The following LINGO2 variants were observed in gnomAD, a reference collection of about 807,000 sequenced individuals.
The protein encoded by LINGO2 is leucine rich repeat and Ig domain containing 2.
Under a neutral mutation model 30.6 loss-of-function variants are expected in LINGO2, and 14 were observed. The ratio of observed to expected loss-of-function variants is 0.46; its 90% confidence interval spans 0.30 to 0.72. The LOEUF (loss-of-function observed/expected upper bound fraction) is 0.72, where lower values mean the gene tolerates loss of function less well. Among genes scored for constraint, LINGO2 ranks in the 30% least tolerant of loss-of-function variants. LINGO2 has a pLI of 0.07. For synonymous variants in LINGO2, 317 were observed against 288.5 expected, an observed-to-expected ratio of 1.10 and a Z score of -1.00; for missense variants, 729 against 751.7, an observed-to-expected ratio of 0.97 and a Z score of 0.35.
At chr9:28,560,726 G>C (rs943875642) in intron 1 of LINGO2, among the ~76,000 whole-genome samples, 2 of 151,598 alleles carry the variant, frequency 1.3e-5, no homozygotes, top group African/African-American at 4.8e-5. Flanking sequence ...GAGTGCATTG[G>C]TGCAATCTTG....
the LINGO2 span, among the ~76,000 whole-genome samples, chr9:28,840,113 C>T: frequency 6.6e-6 from 1 of 151,956 alleles, no homozygotes; most frequent in African/African-American, 2.4e-5. Flanking sequence ...GGAGCAGGAA[C>T]CTCTGAGCTT....
At chr9:29,059,673 T>C in the LINGO2 span, among the ~76,000 whole-genome samples, 1 of 151,902 alleles carries the variant, frequency 6.6e-6, no homozygotes, top group East Asian at 1.9e-4. Context: ...TATGGAAAAT[T>C]AAAGATGCGT....
At chr9:29,017,882 C>G in the LINGO2 span, among the ~76,000 whole-genome samples, 1 of 151,930 alleles carries the variant, frequency 6.6e-6, no homozygotes, top group Non-Finnish European at 1.5e-5. Flanking sequence ...GACCCCAGAA[C>G]AGCTCAGCGT....
At chr9:28,856,619 T>C in the LINGO2 span, among the ~76,000 whole-genome samples, 1 of 151,970 alleles carries the variant, frequency 6.6e-6, no homozygotes, top group Non-Finnish European at 1.5e-5. Flanking sequence ...GGATAATGAA[T>C]GGAAAGTAAA....
intron 4 of LINGO2, among the ~76,000 whole-genome samples, chr9:28,231,020 A>G (rs900744531): frequency 2.0e-5 from 3 of 151,988 alleles, no homozygotes; most frequent in Admixed American, 6.6e-5. Context: ...TATTCAGCAC[A>G]CATTTCATGA....
intron 5 of LINGO2, among the ~76,000 whole-genome samples, chr9:28,009,527 A>G (rs1267385904): frequency 1.3e-5 from 2 of 152,180 alleles, no homozygotes; most frequent in African/African-American, 4.8e-5. Context: ...ACTCAATAAA[A>G]TAACCCAATT....
chr9:27,964,345 A>G (rs1819994749), intron 5 of LINGO2, among the ~76,000 whole-genome samples: 1 of 152,138 alleles, frequency 6.6e-6, no homozygotes, highest in African/African-American at 2.4e-5. Context: ...ATACCTTTCA[A>G]TTAGCTATAT....
At chr9:29,004,974 A>C in the LINGO2 span, among the ~76,000 whole-genome samples, 1 of 152,110 alleles carries the variant, frequency 6.6e-6, no homozygotes, top group Non-Finnish European at 1.5e-5. Context: ...TAAATGAGTT[A>C]ATATAGCTAT....
the LINGO2 span, among the ~76,000 whole-genome samples, chr9:29,074,678 C>CTTTTTTTTTTTTTTTTTTTTTTTTT: frequency 1.1e-5 from 1 of 88,006 alleles, no homozygotes; most frequent in Non-Finnish European, 2.0e-5. Flanking sequence ...AAATTACTTA[C>CTTTTTTTTTTTTTTTTTTTTTTTTT]TTTTTTTTTT....
At chr9:28,897,407 A>C in the LINGO2 span, among the ~76,000 whole-genome samples, 5 of 152,130 alleles carry the variant, frequency 3.3e-5, no homozygotes, top group Admixed American at 3.3e-4. Context: ...TCTTGCTGGT[A>C]CCATATGATG....
At chr9:28,906,919 A>G in the LINGO2 span, among the ~76,000 whole-genome samples, 114,413 of 151,764 alleles carry the variant, frequency 0.75, 43,322 homozygotes, top group Non-Finnish European at 0.8. Context: ...AAGTTCTGTC[A>G]TATTTGTTTT....
At chr9:28,443,937 T>A (rs1175821436) in intron 2 of LINGO2, among the ~76,000 whole-genome samples, 2 of 151,968 alleles carry the variant, frequency 1.3e-5, no homozygotes, top group East Asian at 3.9e-4. Flanking sequence ...AGTGAGAACT[T>A]ATGGTGCTTT....
intron 3 of LINGO2, among the ~76,000 whole-genome samples, chr9:28,339,703 A>G (rs770351866): frequency 2.0e-5 from 3 of 152,198 alleles, no homozygotes; most frequent in African/African-American, 7.2e-5. Flanking sequence ...TTTAATTATC[A>G]TAATGAAATC....
In LINGO2 at chr9:28,323,337, C is replaced by T. The variant is rs559447480; in HGVS notation, c.-245-27971G>A. ...GAAACAACCTGGGTGCGGTGGCTCA[C>T]GCCTGTAATCCCAACACTTTGAGAG... On this transcript the variant is annotated intron_variant, in intron 3 of 5. Coordinates refer to ENST00000379992, the Ensembl canonical transcript of LINGO2. 3.2e-3 allele frequency among the ~76,000 whole-genome samples: 482 copies of T among 152,254 alleles called. 2 individuals are homozygous for T. Among genetic ancestry groups the T allele is most frequent in the Middle Eastern group, 6.8e-3 (2 of 292 alleles).
chr9:28,939,854 T>C, the LINGO2 span, among the ~76,000 whole-genome samples: 31 of 152,270 alleles, frequency 2.0e-4, no homozygotes, highest in Non-Finnish European at 4.1e-4. Context: ...TTTACCTTTA[T>C]TAAGACCTGT....
At chr9:28,296,089 A>G (rs541985661) in intron 3 of LINGO2, among the ~76,000 whole-genome samples, 79 of 152,326 alleles carry the variant, frequency 5.2e-4, no homozygotes, top group African/African-American at 1.8e-3. Context: ...TTTGGGGGCA[A>G]TGTACCACGT....
intron 4 of LINGO2, among the ~76,000 whole-genome samples, chr9:28,192,612 A>C (rs1056782970): frequency 3.9e-5 from 6 of 152,112 alleles, no homozygotes; most frequent in Admixed American, 1.3e-4. Flanking sequence ...CATTGTGTAG[A>C]CAACTTAATG....
intron 4 of LINGO2, among the ~76,000 whole-genome samples, chr9:28,204,557 C>G (rs1214174462): frequency 6.6e-6 from 1 of 152,116 alleles, no homozygotes; most frequent in Non-Finnish European, 1.5e-5. Context: ...AAGCAGTTCC[C>G]TAGGCATATC....
intron 4 of LINGO2, among the ~76,000 whole-genome samples, chr9:28,167,191 G>C (rs1247936047): frequency 7.4e-6 from 1 of 134,588 alleles, no homozygotes; most frequent in Non-Finnish European, 1.5e-5. Context: ...GCAAATTCCA[G>C]CAACTTTAGA....
Sources: gnomAD v4.1 joint callset for allele counts (sites outside exome capture counted in the v4.1 genomes callset) on GRCh38, gnomAD v4.1.1 for gene constraint, MANE v1.5 for transcripts, NCBI Gene and HGNC (gene_info 2026-07-23, HGNC 2026-07-21) for gene names.